The following LMO7 variants were observed in gnomAD, a reference collection of about 807,000 sequenced individuals.
LMO7 encodes the protein LIM domain only protein 7.
A neutral mutation model predicts 206.5 loss-of-function variants in LMO7; 120 were observed. The ratio of observed to expected loss-of-function variants is 0.58; its 90% CI spans 0.50 to 0.68. LMO7 has a LOEUF of 0.68. Ranked by LOEUF, LMO7 falls within the 30% of genes least tolerant of loss-of-function variation. The pLI, the probability that LMO7 is intolerant of heterozygous loss-of-function variation, is 0.00. For synonymous variants in LMO7, 706 were observed against 681.5 expected (o/e 1.04, Z -0.56); for missense variants, 1,959 against 1,957.9 (o/e 1.00, Z -0.01).
At chr13:75,694,794 A>C (rs2041780971) in intron 1 of LMO7, among the ~76,000 whole-genome samples, 1 of 152,114 alleles carries the variant, frequency 6.6e-6, no homozygotes, top group African/African-American at 2.4e-5. Context: ...GGAGCAGGAA[A>C]TGTGAGGAGT....
Position 75,819,453 on chromosome 13 carries a change from G to A in LMO7, c.2125G>A (p.Glu709Lys). ...SYTSDLQKKK[E>K]EREEIEKQAL... ...CACTTCAGATCTGCAGAAGAAAAAA[G>A]AAGAGAGAGAAGAAATTGAAAAGCA... The change falls in exon 13 of 31, where the codon GAA (glutamate) becomes AAA (lysine). Residue 709 changes from glutamate (E) to lysine (K), a missense_variant. Coordinates refer to ENST00000377534, the MANE Select transcript of LMO7 (RefSeq NM_001306080.2). 1.2e-6 allele frequency: 2 copies of A among 1,613,060 alleles called. No homozygotes were observed. The highest frequency in any genetic ancestry group is 1.1e-5 in the South Asian group (1 of 90,924).
intron 3 of LMO7, among the ~76,000 whole-genome samples, chr13:75,739,434 T>G (rs2046238243): frequency 6.6e-6 from 1 of 152,230 alleles, no homozygotes; most frequent in South Asian, 2.1e-4. Flanking sequence ...TCAGGAATGC[T>G]GTAGAAAGCA....
At chr13:75,690,022 A>G (rs1295831866) in intron 1 of LMO7, among the ~76,000 whole-genome samples, 1 of 151,406 alleles carries the variant, frequency 6.6e-6, no homozygotes, top group African/African-American at 2.4e-5. Flanking sequence ...AACCGAAGAG[A>G]ACCCTTTCCG....
intron 26 of LMO7, among the ~76,000 whole-genome samples, chr13:75,847,432 A>T (rs896930193): frequency 6.6e-6 from 1 of 152,212 alleles, no homozygotes; most frequent in African/African-American, 2.4e-5. Context: ...AGTAACATTT[A>T]TGGATGATTA....
At chr13:75,672,014 T>G (rs2039626758) in intron 1 of LMO7, among the ~76,000 whole-genome samples, 1 of 152,070 alleles carries the variant, frequency 6.6e-6, no homozygotes, top group African/African-American at 2.4e-5. Flanking sequence ...AAAATACAAA[T>G]AGAAACACAA....
chr13:75,839,830 C>G (rs1051192793), intron 20 of LMO7: 2 of 365,940 alleles, frequency 5.5e-6, no homozygotes, highest in Non-Finnish European at 9.9e-6. Flanking sequence ...TGATCCTACT[C>G]TAATACCTAG....
At chr13:75,845,944 A>G (rs541976918) in intron 26 of LMO7, among the ~76,000 whole-genome samples, 1 of 152,280 alleles carries the variant, frequency 6.6e-6, no homozygotes, top group South Asian at 2.1e-4. Context: ...GGATTTGCAT[A>G]AGCAGGCGGC....
intron 1 of LMO7, among the ~76,000 whole-genome samples, chr13:75,648,814 G>C (rs2037287707): frequency 6.6e-6 from 1 of 152,124 alleles, no homozygotes; most frequent in African/African-American, 2.4e-5. Flanking sequence ...TTCCTTCATT[G>C]CCCTCTGGGT....
At position 75,801,022 on chromosome 13, in the gene LMO7, G is replaced by T; in HGVS notation, c.661+140G>T. ...TTTTCATAGAGACTGGAGTATAATT[G>T]GGGGTTTTGTTATTTTTTTCTCCTT... On this transcript the variant is annotated intron_variant, in intron 7 of 30. Coordinates refer to ENST00000377534, the MANE Select transcript of LMO7 (RefSeq NM_001306080.2). The T allele has an allele frequency of 4.1e-6, 3 of 732,672 alleles. No homozygotes were observed. In the South Asian group the frequency reaches 5.2e-5, roughly 13 times the overall value. The allele number at this position is 732,672 out of a possible 1,614,324, so 45.4% of individuals were successfully genotyped here.
In LMO7 at chr13:75,794,533, G is replaced by C. The variant is rs180977081; in HGVS notation, c.318-868G>C. ...GTCTTCTACATGCATATATAGATGT[G>C]TGTATATTTTATCTTAAAGTATACT... On this transcript the variant is annotated intron_variant, in intron 4 of 30. Coordinates refer to ENST00000377534, the MANE Select transcript of LMO7 (RefSeq NM_001306080.2). Among the ~76,000 whole-genome samples, 36 of 152,174 alleles carry C rather than the reference G, an allele frequency of 2.4e-4. No individual in the cohort carries two copies. The East Asian group carries it at 3.5e-3, about 15-fold the overall frequency.
chr13:75,785,314 TC>T (rs2052246550), intron 4 of LMO7, among the ~76,000 whole-genome samples: 1 of 152,182 alleles, frequency 6.6e-6, no homozygotes, highest in African/African-American at 2.4e-5. Context: ...ATGAATCACA[TC>T]AAACCTTAAT....
chr13:75,712,106 A>G (rs1264058492), intron 1 of LMO7, among the ~76,000 whole-genome samples: 2 of 152,184 alleles, frequency 1.3e-5, no homozygotes, highest in African/African-American at 4.8e-5. Context: ...GAAGATACAT[A>G]GGGATTCTAG....
At chr13:75,815,457 GAT>G (rs1340925987) in intron 11 of LMO7, among the ~76,000 whole-genome samples, 1 of 152,200 alleles carries the variant, frequency 6.6e-6, no homozygotes, top group African/African-American at 2.4e-5. Context: ...GACCTTTACT[GAT>G]ATAAGGAGAG....
At chr13:75,665,280 C>T (rs1434825281) in intron 1 of LMO7, among the ~76,000 whole-genome samples, 2 of 151,962 alleles carry the variant, frequency 1.3e-5, no homozygotes, top group African/African-American at 4.8e-5. Context: ...AACAAATCTG[C>T]TCTAATAGTT....
At chr13:75,782,138 C>T (rs1214052948) in intron 4 of LMO7, among the ~76,000 whole-genome samples, 1 of 152,080 alleles carries the variant, frequency 6.6e-6, no homozygotes, top group Non-Finnish European at 1.5e-5. Context: ...TTAATTAGAT[C>T]CCATTTGTCA....
chr13:75,784,449 T>A (rs2052072281), intron 4 of LMO7, among the ~76,000 whole-genome samples: 1 of 152,154 alleles, frequency 6.6e-6, no homozygotes, highest in Non-Finnish European at 1.5e-5. Context: ...AAAATTAAAA[T>A]TTTGAAACCT....
chr13:75,831,519 A>C (rs2138848582), intron 15 of LMO7, among the ~76,000 whole-genome samples: 1 of 152,300 alleles, frequency 6.6e-6, no homozygotes. Flanking sequence ...TTTATAAAGA[A>C]AAGAGGAGGT....
chr13:75,833,756 T>C (rs1178746819), intron 16 of LMO7, among the ~76,000 whole-genome samples: 1 of 152,176 alleles, frequency 6.6e-6, no homozygotes, highest in Non-Finnish European at 1.5e-5. Flanking sequence ...TAAAATTGCA[T>C]GTTAACACCA....
chr13:75,727,206 GT>G (rs888385653), intron 3 of LMO7, 108 bp downstream of exon 3: 6 of 627,892 alleles, frequency 9.6e-6, no homozygotes, highest in East Asian at 3.1e-5. Context: ...TTAGGTTATG[GT>G]TTTTTTGCTG....
Sources: gnomAD v4.1 joint callset for allele counts (sites outside exome capture counted in the v4.1 genomes callset) on GRCh38, gnomAD v4.1.1 for gene constraint, MANE v1.5 for transcripts, NCBI Gene and HGNC (gene_info 2026-07-23, HGNC 2026-07-21) for gene names.